PCDHA3: variants seen among roughly 807,000 people sequenced by gnomAD.
PCDHA3 encodes protocadherin alpha 3.
A neutral mutation model predicts 62.2 loss-of-function variants in PCDHA3; 41 were observed. That is an observed-to-expected ratio of 0.66 (90% CI 0.51 to 0.86). The LOEUF (loss-of-function observed/expected upper bound fraction) is 0.86, where lower values mean the gene tolerates loss of function less well. Among genes scored for constraint, PCDHA3 ranks in the 40% least tolerant of loss-of-function variants. The pLI is 0.00. For synonymous variants in PCDHA3, 640 were observed against 555.4 expected (o/e 1.15, Z -2.14); for missense variants, 1,304 against 1,241.2 (o/e 1.05, Z -0.76).
intron 1 of PCDHA3, chr5:140,860,876 T>C (rs1451611710): frequency 6.6e-6 from 1 of 152,390 alleles, no homozygotes; most frequent in Non-Finnish European, 1.5e-5. Flanking sequence ...TAGCTGGGAC[T>C]ACAGGTGCCC....
At chr5:140,921,353 A>G (rs943655623) in intron 1 of PCDHA3, among the ~76,000 whole-genome samples, 5 of 152,160 alleles carry the variant, frequency 3.3e-5, no homozygotes, top group Non-Finnish European at 5.9e-5. Flanking sequence ...ATATTTGCCT[A>G]TATTCAAGTT....
chr5:140,889,067 C>T (rs1169049844), intron 1 of PCDHA3, among the ~76,000 whole-genome samples: 1 of 151,942 alleles, frequency 6.6e-6, no homozygotes, highest in Admixed American at 6.6e-5. Flanking sequence ...TAATATACTA[C>T]TTATTTTGTT....
intron 1 of PCDHA3, chr5:140,822,201 A>G: frequency 6.2e-7 from 1 of 1,614,246 alleles, no homozygotes; most frequent in Non-Finnish European, 8.5e-7. Context: ...TATTCATTTT[A>G]GAGTCAAGAA....
intron 1 of PCDHA3, chr5:140,836,269 G>T: frequency 1.2e-6 from 2 of 1,613,790 alleles, no homozygotes; most frequent in Non-Finnish European, 1.7e-6. Flanking sequence ...CTGTACACTG[G>T]TGAGATCAGC....
intron 1 of PCDHA3, among the ~76,000 whole-genome samples, chr5:140,932,192 TTC>T (rs2088100364): frequency 6.6e-6 from 1 of 151,968 alleles, no homozygotes. Context: ...GTCCATTTTT[TTC>T]TGTTAATATT....
At chr5:140,835,237 T>G (rs1271413656) in intron 1 of PCDHA3, 2 of 1,599,540 alleles carry the variant, frequency 1.3e-6, no homozygotes, top group Non-Finnish European at 1.7e-6. Context: ...TCCAGTGATG[T>G]TTCTCCAGAT....
At chr5:140,850,689 T>A in intron 1 of PCDHA3, 2 of 1,594,932 alleles carry the variant, frequency 1.3e-6, no homozygotes, top group Non-Finnish European at 1.7e-6. Context: ...CGAGGGCGAG[T>A]GCGCGCCTGG....
intron 1 of PCDHA3, among the ~76,000 whole-genome samples, chr5:140,905,904 C>T (rs2072197856): frequency 6.6e-6 from 1 of 152,160 alleles, no homozygotes; most frequent in African/African-American, 2.4e-5. Context: ...AGCTGAGGAG[C>T]AAGGAATCCA....
At chr5:140,843,290 C>T in intron 1 of PCDHA3, 2 of 1,595,968 alleles carry the variant, frequency 1.3e-6, no homozygotes, top group Non-Finnish European at 1.7e-6. Context: ...TCATGGTGAA[C>T]CTGCGCTGAC....
intron 1 of PCDHA3, among the ~76,000 whole-genome samples, chr5:140,971,015 G>C (rs1425390222): frequency 6.6e-6 from 1 of 152,228 alleles, no homozygotes; most frequent in Non-Finnish European, 1.5e-5. Flanking sequence ...GAAGTCTTTA[G>C]ATCGTAGCAT....
In PCDHA3 at chr5:140,895,957, C is replaced by G. The variant is rs186458993; in HGVS notation, c.2395-82992C>G. Among the ~76,000 whole-genome samples, 2 of 152,196 alleles carry G rather than the reference C, an allele frequency of 1.3e-5. 1 individual carries two copies. Among genetic ancestry groups the G allele is most frequent in the Admixed American group, 1.3e-4 (2 of 15,284 alleles). On this transcript the variant is annotated intron_variant, in intron 1 of 3. Transcript: ENST00000522353. Reference sequence around the variant, plus strand: ...TCCCGAGTAGCTGGGATTACAGGTGCCTGTCACCAGGCCTAGCTAATTTTT... The same window carrying G: ...TCCCGAGTAGCTGGGATTACAGGTGGCTGTCACCAGGCCTAGCTAATTTTT...
intron 1 of PCDHA3, among the ~76,000 whole-genome samples, chr5:140,955,262 C>T (rs1473601347): frequency 1.3e-5 from 2 of 152,044 alleles, no homozygotes; most frequent in African/African-American, 4.8e-5. Flanking sequence ...TATAAAGGCT[C>T]TTTTTTGGTT....
intron 1 of PCDHA3, among the ~76,000 whole-genome samples, chr5:140,938,620 C>G (rs571731816): frequency 1.3e-5 from 2 of 152,172 alleles, no homozygotes; most frequent in African/African-American, 4.8e-5. Context: ...GGAATAAACT[C>G]AGGTTGCTTA....
In PCDHA3 at chr5:140,835,437, C is replaced by G. The variant is rs150063888; in HGVS notation, c.2394+31846C>G. ...AAATGACAATGCTCCACAGTTGACTCTCACTTCCCTGTCTCTCCCTATTCC... is the reference window on the plus strand; with the variant it reads ...AAATGACAATGCTCCACAGTTGACTGTCACTTCCCTGTCTCTCCCTATTCC... On this transcript the variant is annotated intron_variant, in intron 1 of 3. Transcript: ENST00000522353. 1.9e-6 allele frequency: 3 copies of G among 1,612,848 alleles called. No individual in the cohort carries two copies. The highest frequency in any genetic ancestry group is 1.7e-4 in the Middle Eastern group (1 of 6,058).
intron 1 of PCDHA3, chr5:140,858,163 G>A (rs756100804): frequency 1.3e-6 from 2 of 1,597,890 alleles, no homozygotes; most frequent in Non-Finnish European, 1.7e-6. Context: ...TCTGCGCGGT[G>A]TCCAGCTTGC....
chr5:140,963,829 A>G (rs1460358277), intron 1 of PCDHA3, among the ~76,000 whole-genome samples: 1 of 152,180 alleles, frequency 6.6e-6, no homozygotes, highest in African/African-American at 2.4e-5. Context: ...CTTTACATAC[A>G]TTTTCTCATG....
intron 1 of PCDHA3, chr5:140,809,014 C>T: frequency 6.2e-7 from 1 of 1,613,716 alleles, no homozygotes; most frequent in East Asian, 2.2e-5. Flanking sequence ...GGCTTTCGTA[C>T]GAGCTGCAGC....
intron 3 of PCDHA3, among the ~76,000 whole-genome samples, chr5:141,001,157 A>T (rs1554258022): frequency 6.6e-6 from 1 of 152,136 alleles, no homozygotes; most frequent in African/African-American, 2.4e-5. Flanking sequence ...TGATCTTAAT[A>T]AGTAAAATTT....
chr5:141,005,819 G>A, intron 3 of PCDHA3, among the ~76,000 whole-genome samples: 1 of 151,636 alleles, frequency 6.6e-6, no homozygotes, highest in South Asian at 2.1e-4. Context: ...CAGGTATGGT[G>A]GCCTGTAGTC....
Sources: allele counts gnomAD v4.1 joint callset (sites outside exome capture counted in the v4.1 genomes callset), GRCh38; gene constraint gnomAD v4.1.1; transcripts MANE v1.5; gene names NCBI Gene and HGNC (gene_info 2026-07-23, HGNC 2026-07-21).